The following ASB3 variants were observed in gnomAD, a reference collection of about 807,000 sequenced individuals.
ASB3 encodes ankyrin repeat and SOCS box protein 3.
Under a neutral mutation model 54.5 loss-of-function variants are expected in ASB3, and 41 were observed. The ratio of observed to expected loss-of-function variants is 0.75; its 90% CI spans 0.59 to 0.98. The LOEUF is 0.98. Ranked by LOEUF, ASB3 falls within the 50% of genes least tolerant of loss-of-function variation. The pLI is 0.00. For missense variants in ASB3, 733 were observed against 620.0 expected, an observed-to-expected ratio of 1.18 and a Z score of -1.94; for synonymous variants, 266 against 221.2, an observed-to-expected ratio of 1.20 and a Z score of -1.80.
intron 5 of ASB3, among the ~76,000 whole-genome samples, chr2:53,725,959 G>C (rs771556880): frequency 1.3e-5 from 2 of 151,898 alleles, no homozygotes; most frequent in African/African-American, 4.8e-5. Flanking sequence ...GTTATTTTGA[G>C]TGACAATTTC....
At chr2:53,780,045 G>T (rs1674557763) in intron 1 of ASB3, among the ~76,000 whole-genome samples, 1 of 152,184 alleles carries the variant, frequency 6.6e-6, no homozygotes, top group African/African-American at 2.4e-5. Context: ...TCAAGAGCCA[G>T]AGTTTCTTAC....
At chr2:53,771,619 A>T (rs1673917731) in intron 1 of ASB3, among the ~76,000 whole-genome samples, 1 of 152,158 alleles carries the variant, frequency 6.6e-6, no homozygotes, top group African/African-American at 2.4e-5. Flanking sequence ...ATTTTAGATG[A>T]CCTTTAGTTA....
intron 9 of ASB3, among the ~76,000 whole-genome samples, chr2:53,676,572 A>T (rs542397581): frequency 2.4e-4 from 37 of 152,296 alleles, no homozygotes; most frequent in African/African-American, 7.7e-4. Context: ...ACATCAACTA[A>T]TTTTTTTATA....
Position 53,670,292 on chromosome 2 carries a change from ATTTTTTTTT to A in ASB3, c.*202_*210del, listed in dbSNP as rs757738523. 3.0e-3 allele frequency: 528 copies of A among 178,580 alleles called. 1 individual carries two copies. The highest frequency in any genetic ancestry group is 6.6e-3 in the Middle Eastern group (3 of 458). The allele number at this position is 178,580 out of a possible 1,614,324, so 11.1% of individuals were successfully genotyped here. On this transcript the variant is annotated 3_prime_UTR_variant, in exon 10 of 10. Transcript: ENST00000263634. Reference sequence around the variant, plus strand: ...TAAAGTAATATAAGTGATGTTTACAATTTTTTTTTTTTTTTTTTTTTTTTTTACTGGGAA... The same window carrying A: ...TAAAGTAATATAAGTGATGTTTACAATTTTTTTTTTTTTTTTTACTGGGAA...
At chr2:53,731,598 T>C (rs557433352) in intron 3 of ASB3, among the ~76,000 whole-genome samples, 2 of 152,272 alleles carry the variant, frequency 1.3e-5, no homozygotes, top group Non-Finnish European at 2.9e-5. Context: ...TCAATCTAAT[T>C]TGGGGTGGCT....
chr2:53,770,833 A>G (rs1007048670), intron 1 of ASB3, among the ~76,000 whole-genome samples: 1 of 152,252 alleles, frequency 6.6e-6, no homozygotes, highest in Non-Finnish European at 1.5e-5. Flanking sequence ...CAGTTCTAAT[A>G]CTGACCTTTA....
At chr2:53,768,097 C>G in intron 1 of ASB3, 3 of 1,537,132 alleles carry the variant, frequency 2.0e-6, no homozygotes, top group Non-Finnish European at 2.7e-6. Flanking sequence ...GCACCCACAC[C>G]CTAGAGAACC....
intron 2 of ASB3, among the ~76,000 whole-genome samples, chr2:53,762,831 T>C (rs1048863837): frequency 1.3e-5 from 2 of 152,086 alleles, no homozygotes; most frequent in African/African-American, 2.4e-5. Flanking sequence ...TATGTATGCA[T>C]ATTAAACTTC....
intron 3 of ASB3, among the ~76,000 whole-genome samples, chr2:53,746,904 A>G (rs62137605): frequency 0.019 from 2,838 of 152,216 alleles, 77 homozygotes; most frequent in East Asian, 0.14. Flanking sequence ...ATACAAATTT[A>G]CCATTTACAA....
At chr2:53,734,886 T>C (rs1267504172) in intron 3 of ASB3, among the ~76,000 whole-genome samples, 1 of 151,924 alleles carries the variant, frequency 6.6e-6, no homozygotes, top group African/African-American at 2.4e-5. Flanking sequence ...CTTCAATCTC[T>C]ATTTATTTTT....
chr2:53,776,711 C>G (rs1013068222), intron 1 of ASB3, among the ~76,000 whole-genome samples: 2 of 152,022 alleles, frequency 1.3e-5, no homozygotes, highest in African/African-American at 4.8e-5. Context: ...CCCAGCTACT[C>G]AGGAAGCTGA....
rs781583301 is a variant in ASB3 at position 53,729,493 on chromosome 2, A to C, written c.433T>G (p.Cys145Gly). The change falls in exon 4 of 10, where the codon TGT becomes GGT. Residue 145 changes from cysteine to glycine, a missense_variant. Coordinates refer to ENST00000263634, the MANE Select transcript of ASB3 (RefSeq NM_016115.5). Reference protein sequence around the residue: ...GANVNGSHSMCGWNSLHQASF... With the variant: ...GANVNGSHSMGGWNSLHQASF... ...GCCTGGTGCAAGGAGTTCCATCCAC[A>C]CATAGAATGGGATCCATTAACATTT... 1 of 1,613,938 alleles carries C rather than the reference A, an allele frequency of 6.2e-7. No homozygotes were observed. Among genetic ancestry groups the C allele is most frequent in the Non-Finnish European group, 8.5e-7 (1 of 1,179,822 alleles).
At chr2:53,779,441 AT>A (rs904287192) in intron 1 of ASB3, among the ~76,000 whole-genome samples, 70 of 147,438 alleles carry the variant, frequency 4.7e-4, no homozygotes, top group Middle Eastern at 3.5e-3. Context: ...CAATCAAGTA[AT>A]TTTTTTTTTT....
intron 6 of ASB3, among the ~76,000 whole-genome samples, chr2:53,715,470 G>C (rs1474045471): frequency 6.6e-6 from 1 of 152,058 alleles, no homozygotes; most frequent in Non-Finnish European, 1.5e-5. Flanking sequence ...CTTTGAAGTA[G>C]GCTATAAAGA....
intron 1 of ASB3, among the ~76,000 whole-genome samples, chr2:53,776,663 T>A: frequency 6.6e-6 from 1 of 151,816 alleles, no homozygotes; most frequent in East Asian, 1.9e-4. Flanking sequence ...TATAAAAAAT[T>A]TAAAAATTAG....
At chr2:53,766,265 C>A (rs1163107842) in intron 1 of ASB3, among the ~76,000 whole-genome samples, 1 of 152,206 alleles carries the variant, frequency 6.6e-6, no homozygotes, top group African/African-American at 2.4e-5. Flanking sequence ...TAACAGAGTT[C>A]TTGCCCACAT....
At chr2:53,718,024 A>C (rs1670493960) in intron 5 of ASB3, among the ~76,000 whole-genome samples, 1 of 152,216 alleles carries the variant, frequency 6.6e-6, no homozygotes, top group Non-Finnish European at 1.5e-5. Context: ...AAAGGCTTTG[A>C]GAAATATTTG....
At chr2:53,711,100 T>C (rs946817719) in intron 7 of ASB3, among the ~76,000 whole-genome samples, 1 of 152,138 alleles carries the variant, frequency 6.6e-6, no homozygotes, top group Non-Finnish European at 1.5e-5. Context: ...CACTGCACTC[T>C]GTGTGGGCAA....
At chr2:53,674,392 T>G (rs1162596009) in intron 9 of ASB3, among the ~76,000 whole-genome samples, 1 of 152,216 alleles carries the variant, frequency 6.6e-6, no homozygotes, top group Non-Finnish European at 1.5e-5. Context: ...ATTCCTCTAT[T>G]TTGTTCATTT....
Sources: gnomAD v4.1 joint callset for allele counts (sites outside exome capture counted in the v4.1 genomes callset) on GRCh38, gnomAD v4.1.1 for gene constraint, MANE v1.5 for transcripts, NCBI Gene and HGNC (gene_info 2026-07-23, HGNC 2026-07-21) for gene names.